MYT1L: variants seen among roughly 807,000 people sequenced by gnomAD.
MYT1L encodes the protein myelin transcription factor 1-like protein.
MYT1L carries 12 observed loss-of-function variants against 126.7 expected under a neutral mutation model. That is an observed-to-expected ratio of 0.09 (90% confidence interval 0.06 to 0.15). The LOEUF (loss-of-function observed/expected upper bound fraction) is 0.15, where lower values mean the gene tolerates loss of function less well. Ranked by LOEUF, MYT1L falls within the 10% of genes least tolerant of loss-of-function variation. The pLI, the probability that MYT1L is intolerant of heterozygous loss-of-function variation, is 1.00. For synonymous variants in MYT1L, 541 were observed against 604.2 expected (o/e 0.90, Z 1.53); for missense variants, 979 against 1,585.2 (o/e 0.62, Z 6.49).
At chr2:1,826,592 G>A (rs147926602) in intron 21 of MYT1L, among the ~76,000 whole-genome samples, 10 of 152,240 alleles carry the variant, frequency 6.6e-5, no homozygotes, top group South Asian at 6.2e-4. Flanking sequence ...ATTGCTTCCC[G>A]TCAAACACTA....
At chr2:2,072,921 A>G (rs893507078) in intron 3 of MYT1L, among the ~76,000 whole-genome samples, 1 of 152,156 alleles carries the variant, frequency 6.6e-6, no homozygotes, top group Non-Finnish European at 1.5e-5. Flanking sequence ...ACCCAGTCTC[A>G]GGTAGTGTGA....
chr2:2,172,445 G>T (rs994642676), intron 3 of MYT1L, among the ~76,000 whole-genome samples: 4 of 152,176 alleles, frequency 2.6e-5, no homozygotes, highest in African/African-American at 7.2e-5. Flanking sequence ...AACTGCAAAG[G>T]ACTCTTTTTG....
At chr2:1,934,367 G>A (rs984912998) in intron 9 of MYT1L, among the ~76,000 whole-genome samples, 1 of 147,230 alleles carries the variant, frequency 6.8e-6, no homozygotes, top group African/African-American at 2.5e-5. Context: ...TTCTATAAAC[G>A]GCCCACCAGC....
chr2:2,110,022 C>T (rs141954293), intron 3 of MYT1L, among the ~76,000 whole-genome samples: 12 of 151,342 alleles, frequency 7.9e-5, no homozygotes, highest in Non-Finnish European at 1.6e-4. Context: ...AGCGTATGCA[C>T]GCATGGCATG....
At position 2,211,297 on chromosome 2, in the gene MYT1L, A is replaced by G. The variant is rs942192097; in HGVS notation, c.-420-38309T>C. Among the ~76,000 whole-genome samples, 12 of 152,240 alleles carry G rather than the reference A, an allele frequency of 7.9e-5. 1 individual carries two copies. Among genetic ancestry groups the G allele is most frequent in the African/African-American group, 2.9e-4 (12 of 41,478 alleles). On this transcript the variant is annotated intron_variant, in intron 2 of 24. Transcript: ENST00000647738. ...CATAACAATGACCACGTTTTTAAAC[A>G]TCCATTTTCAAAATGTTCTTTCCAT...
At position 2,126,541 on chromosome 2, in the gene MYT1L, A is replaced by G. The variant is rs74546682; in HGVS notation, c.-304+46331T>C. Among the ~76,000 whole-genome samples, 371 of 152,274 alleles carry G rather than the reference A, an allele frequency of 2.4e-3. 9 individuals carry two copies. Among genetic ancestry groups the G allele is most frequent in the East Asian group, 0.014 (72 of 5,154 alleles). On this transcript the variant is annotated intron_variant, in intron 3 of 24. Transcript: ENST00000647738. ...GCCATAGGGTGGGTAGGGATTGGCG[A>G]GCCTGAGGCAGTCAACACAAGTGTT...
At chr2:2,163,088 C>A (rs1375782992) in intron 3 of MYT1L, among the ~76,000 whole-genome samples, 1 of 152,164 alleles carries the variant, frequency 6.6e-6, no homozygotes, top group Non-Finnish European at 1.5e-5. Flanking sequence ...GGTCTATCTG[C>A]AGAATAAACT....
chr2:2,226,047 A>C (rs1050199548), intron 2 of MYT1L, among the ~76,000 whole-genome samples: 3 of 152,120 alleles, frequency 2.0e-5, no homozygotes, highest in African/African-American at 4.8e-5. Flanking sequence ...AGGGGTGGGG[A>C]TGAACAACTT....
chr2:2,303,715 C>T (rs1475072069), intron 1 of MYT1L: 2 of 152,212 alleles, frequency 1.3e-5, no homozygotes, highest in Non-Finnish European at 2.9e-5. Flanking sequence ...CGTTTAACAC[C>T]AAACAAACCA....
At chr2:1,850,766 C>T (rs1234030159) in intron 19 of MYT1L, among the ~76,000 whole-genome samples, 2 of 152,116 alleles carry the variant, frequency 1.3e-5, no homozygotes, top group Admixed American at 6.5e-5. Context: ...CAGCAATGAT[C>T]CCATCAAGTC....
chr2:2,288,987 T>C (rs1482512919), intron 1 of MYT1L, among the ~76,000 whole-genome samples: 1 of 152,252 alleles, frequency 6.6e-6, no homozygotes, highest in Non-Finnish European at 1.5e-5. Flanking sequence ...TACCCTTCAA[T>C]ATAAGCCACA....
At chr2:2,171,933 C>T (rs2090109908) in intron 3 of MYT1L, among the ~76,000 whole-genome samples, 1 of 152,134 alleles carries the variant, frequency 6.6e-6, no homozygotes, top group Non-Finnish European at 1.5e-5. Flanking sequence ...GCACAGTGAA[C>T]CTTAAAATGC....
intron 2 of MYT1L, among the ~76,000 whole-genome samples, chr2:2,235,621 G>A (rs2149092639): frequency 6.6e-6 from 1 of 152,272 alleles, no homozygotes; most frequent in African/African-American, 2.4e-5. Context: ...CATTGCATGA[G>A]TTTGATTTCT....
intron 9 of MYT1L, among the ~76,000 whole-genome samples, chr2:1,926,129 T>C (rs1366642090): frequency 6.6e-6 from 1 of 152,128 alleles, no homozygotes; most frequent in Non-Finnish European, 1.5e-5. Flanking sequence ...CGGCAGCAAA[T>C]GTGGGGACGG....
chr2:2,294,687 T>C (rs191590800), intron 1 of MYT1L, among the ~76,000 whole-genome samples: 1 of 152,310 alleles, frequency 6.6e-6, no homozygotes, highest in East Asian at 1.9e-4. Flanking sequence ...TGAGGGTATC[T>C]AAGTCACATG....
intron 3 of MYT1L, among the ~76,000 whole-genome samples, chr2:2,111,294 G>A (rs529091597): frequency 2.6e-5 from 4 of 152,290 alleles, no homozygotes; most frequent in Admixed American, 2.6e-4. Flanking sequence ...CCCGCCTGGT[G>A]TCTCACAGGC....
intron 2 of MYT1L, among the ~76,000 whole-genome samples, chr2:2,185,708 C>A (rs1180413904): frequency 7.5e-6 from 1 of 133,990 alleles, no homozygotes; most frequent in Non-Finnish European, 1.6e-5. Flanking sequence ...CGGGCCTTCC[C>A]GAGTCCCGCG....
chr2:2,112,938 C>T (rs2079656543), intron 3 of MYT1L, among the ~76,000 whole-genome samples: 1 of 152,200 alleles, frequency 6.6e-6, no homozygotes, highest in African/African-American at 2.4e-5. Flanking sequence ...GCAGAGCTGG[C>T]TTCATAATCA....
intron 18 of MYT1L, among the ~76,000 whole-genome samples, chr2:1,870,672 A>G (rs1468723661): frequency 1.3e-5 from 2 of 152,164 alleles, no homozygotes; most frequent in African/African-American, 2.4e-5. Flanking sequence ...CAAAAGGGAC[A>G]TTTTACACGA....
Sources: allele counts gnomAD v4.1 joint callset (sites outside exome capture counted in the v4.1 genomes callset), GRCh38; gene constraint gnomAD v4.1.1; transcripts MANE v1.5; gene names NCBI Gene and HGNC (gene_info 2026-07-23, HGNC 2026-07-21).